Variants in GSG1L observed in about 807,000 individuals in gnomAD.
GSG1L encodes the protein germ cell-specific gene 1-like protein.
GSG1L carries 24 observed loss-of-function variants against 42.1 expected under a neutral mutation model. The ratio of observed to expected loss-of-function variants is 0.57; its 90% CI spans 0.41 to 0.80. The LOEUF is 0.80. GSG1L is among the 30% of genes least tolerant of loss of function. The pLI is 0.00. For synonymous variants in GSG1L, 215 were observed against 203.5 expected (o/e 1.06, Z -0.48); for missense variants, 445 against 472.2 (o/e 0.94, Z 0.53).
In GSG1L at chr16:27,787,797, G is replaced by A. The variant is rs1412061107; in HGVS notation, c.*3573C>T. ...AGAAGGACCCTGGGTGAGAACAAGA[G>A]CTCCTAGATGCCTGGTGGCCAGGGC... On this transcript the variant is annotated 3_prime_UTR_variant, in exon 7 of 7. Coordinates refer to ENST00000447459, the MANE Select transcript of GSG1L (RefSeq NM_001109763.2). 1 of 152,182 alleles carries A rather than the reference G, an allele frequency of 6.6e-6. No individual in the cohort carries two copies. Among genetic ancestry groups the A allele is most frequent in the Non-Finnish European group, 1.5e-5 (1 of 68,044 alleles). The allele number at this position is 152,182 out of a possible 1,614,324, so 9.4% of individuals were successfully genotyped here.
At chr16:27,862,503 T>C (rs139354453) in intron 3 of GSG1L, among the ~76,000 whole-genome samples, 1,571 of 152,362 alleles carry the variant, frequency 0.01, 20 homozygotes, top group Non-Finnish European at 0.018. Context: ...ATCCACAGAA[T>C]TGTGAGCTAA....
intron 2 of GSG1L, among the ~76,000 whole-genome samples, chr16:27,888,487 CT>C (rs2084071976): frequency 5.3e-4 from 7 of 13,126 alleles, no homozygotes; most frequent in African/African-American, 2.6e-3. Context: ...TCTTTCCTTT[CT>C]TTCTTTCTTT....
intron 2 of GSG1L, among the ~76,000 whole-genome samples, chr16:27,954,614 C>T (rs755384667): frequency 6.6e-5 from 10 of 152,056 alleles, no homozygotes; most frequent in Non-Finnish European, 1.5e-4. Context: ...GAAAAAGCCT[C>T]GTGACAGTGC....
In GSG1L at chr16:27,884,524, T is replaced by C; in HGVS notation, c.512A>G (p.Lys171Arg). The C allele has an allele frequency of 6.2e-7, 1 of 1,613,956 alleles. No homozygotes were observed. Among genetic ancestry groups the C allele is most frequent in the Non-Finnish European group, 8.5e-7 (1 of 1,179,950 alleles). ...GAAGACAGCCGCGAAGGCATTGAGC[T>C]TGAGCCCGTCGATGACATTGCTGGA... ...FHSSNVIDGLKLNAFAAVFTV... is the reference protein window; with the variant it reads ...FHSSNVIDGLRLNAFAAVFTV... Residue 171 changes from lysine (K) to arginine (R), a missense_variant, in exon 3 of 7, where the codon AAG becomes AGG. This residue lies in a region of GSG1L where 149 missense variants were observed against 223.3 expected (regional missense o/e 0.67). Transcript: ENST00000447459. This position sits in a 1 kb window ranked among gnomAD's most constrained non-coding sequence, Gnocchi z 4.4.
At chr16:28,025,697 G>A (rs563481522) in intron 1 of GSG1L, among the ~76,000 whole-genome samples, 63 of 152,330 alleles carry the variant, frequency 4.1e-4, no homozygotes, top group Non-Finnish European at 3.2e-4. Context: ...CCTTTGCCTG[G>A]GACCCTGTGA....
chr16:27,910,414 C>T (rs1052720400), intron 2 of GSG1L, among the ~76,000 whole-genome samples: 33 of 152,302 alleles, frequency 2.2e-4, no homozygotes, highest in African/African-American at 7.2e-4. Context: ...CTGATTTAAT[C>T]ATCACAAAAA....
At chr16:27,905,905 G>A (rs2064924723) in intron 2 of GSG1L, among the ~76,000 whole-genome samples, 1 of 152,090 alleles carries the variant, frequency 6.6e-6, no homozygotes, top group African/African-American at 2.4e-5. Context: ...AAAGGATCCT[G>A]GCTTTATCAC....
intron 3 of GSG1L, among the ~76,000 whole-genome samples, chr16:27,855,253 T>C (rs1206411775): frequency 6.6e-6 from 1 of 152,108 alleles, no homozygotes; most frequent in Non-Finnish European, 1.5e-5. Context: ...GCCCATTAGG[T>C]GTGCATTTCA....
rs941541971 is a variant in GSG1L, at chr16:28,063,469, G to C, written c.-45C>G. On this transcript the variant is annotated 5_prime_UTR_variant, in exon 1 of 7. Coordinates refer to ENST00000447459, the MANE Select transcript of GSG1L (RefSeq NM_001109763.2). This position sits in a 1 kb window ranked among gnomAD's most constrained non-coding sequence, Gnocchi z 5.8. Reference sequence around the variant, plus strand: ...CGGGACTGCACCGCCGGGGAGCTCCGCGCGCGAAGTTGGCAGCTGGCGCCC... The same window carrying C: ...CGGGACTGCACCGCCGGGGAGCTCCCCGCGCGAAGTTGGCAGCTGGCGCCC... 4 of 1,130,004 alleles carry C rather than the reference G, an allele frequency of 3.5e-6. No homozygotes were observed. The highest frequency in any genetic ancestry group is 3.3e-6 in the Non-Finnish European group (3 of 919,940). 70.0% of individuals were successfully genotyped at this position (1,130,004 alleles called of 1,614,324 possible).
intron 3 of GSG1L, among the ~76,000 whole-genome samples, chr16:27,861,792 C>A (rs146050562): frequency 6.6e-6 from 1 of 152,154 alleles, no homozygotes; most frequent in Non-Finnish European, 1.5e-5. Flanking sequence ...CAGACACCCA[C>A]GTCTTGTTAT....
At position 28,002,588 on chromosome 16, in the gene GSG1L, T is replaced by C. The variant is rs185270508; in HGVS notation, c.350-39385A>G. 7.4e-4 allele frequency among the ~76,000 whole-genome samples: 112 copies of C among 151,552 alleles called. No homozygotes were observed. In the East Asian group the frequency reaches 0.018, roughly 24 times the overall value. On this transcript the variant is annotated intron_variant, in intron 1 of 6. Coordinates refer to ENST00000447459, the MANE Select transcript of GSG1L (RefSeq NM_001109763.2). ...GTGAGCTGTATTTGCAGTGTACCAC[T>C]GCACTCTAGCCTGTGACAGAGCAAG...
At chr16:28,037,659 A>G (rs1234372122) in intron 1 of GSG1L, among the ~76,000 whole-genome samples, 1 of 152,220 alleles carries the variant, frequency 6.6e-6, no homozygotes, top group Non-Finnish European at 1.5e-5. Flanking sequence ...AGCAGCAACA[A>G]TGTAATAATA....
chr16:27,946,579 A>AAGAGAG (rs1166800286), intron 2 of GSG1L, among the ~76,000 whole-genome samples: 5 of 37,040 alleles, frequency 1.3e-4, no homozygotes, highest in East Asian at 7.9e-4. Context: ...GAAAGAAAGA[A>AAGAGAG]AGAGAGAGAG....
chr16:27,869,457 C>T (rs914928753), intron 3 of GSG1L, among the ~76,000 whole-genome samples: 1 of 151,152 alleles, frequency 6.6e-6, no homozygotes, highest in Admixed American at 6.6e-5. Flanking sequence ...TTCTCTGCTT[C>T]TCTCTCTCTG....
intron 6 of GSG1L, among the ~76,000 whole-genome samples, chr16:27,799,325 G>A (rs2144405730): frequency 6.6e-6 from 1 of 151,886 alleles, no homozygotes. Flanking sequence ...CTTGAGGCCA[G>A]GAGTTCGAGA....
At chr16:27,913,893 A>G (rs893612439) in intron 2 of GSG1L, among the ~76,000 whole-genome samples, 1 of 152,212 alleles carries the variant, frequency 6.6e-6, no homozygotes, top group Admixed American at 6.5e-5. Context: ...GCTTATCGGA[A>G]AGAATTTGAA....
At chr16:27,847,305 C>A (rs2083455113) in intron 3 of GSG1L, among the ~76,000 whole-genome samples, 1 of 152,142 alleles carries the variant, frequency 6.6e-6, no homozygotes, top group Admixed American at 6.5e-5. Context: ...TTCCTCCAGG[C>A]CCCAAGGAAA....
chr16:27,915,304 C>T (rs758223912), intron 2 of GSG1L, among the ~76,000 whole-genome samples: 43 of 151,644 alleles, frequency 2.8e-4, no homozygotes, highest in Non-Finnish European at 5.3e-4. Context: ...GCAGAAGAGC[C>T]AAGGGAGTCT....
At chr16:27,896,366 C>A (rs1465875439) in intron 2 of GSG1L, among the ~76,000 whole-genome samples, 3 of 152,172 alleles carry the variant, frequency 2.0e-5, no homozygotes, top group Non-Finnish European at 4.4e-5. Flanking sequence ...AAGCTGTTCA[C>A]TTCCAGGATA....
Sources: allele counts gnomAD v4.1 joint callset (sites outside exome capture counted in the v4.1 genomes callset), GRCh38; gene constraint gnomAD v4.1.1; regional missense constraint gnomAD v4.1.1; non-coding constraint Gnocchi (gnomAD v3.1); transcripts MANE v1.5; gene names NCBI Gene and HGNC (gene_info 2026-07-23, HGNC 2026-07-21).